STX8: variants seen among roughly 807,000 people sequenced by gnomAD.
The protein encoded by STX8 is syntaxin-8.
Under a neutral mutation model 37.5 loss-of-function variants are expected in STX8, and 23 were observed. The observed-to-expected ratio is 0.61, with a 90% CI of 0.44 to 0.87. The LOEUF (loss-of-function observed/expected upper bound fraction) is 0.87, where lower values mean the gene tolerates loss of function less well. Ranked by LOEUF, STX8 falls within the 40% of genes least tolerant of loss-of-function variation. The probability of loss-of-function intolerance (pLI) is 0.00; values close to 1 mark genes in which losing one functional copy is unlikely to be tolerated. For missense variants in STX8, 313 were observed against 284.7 expected, an observed-to-expected ratio of 1.10 and a Z score of -0.71; for synonymous variants, 115 against 99.1, an observed-to-expected ratio of 1.16 and a Z score of -0.95.
chr17:9,505,315 T>C (rs561066885), intron 4 of STX8, among the ~76,000 whole-genome samples, 153 bp from the exon 5 acceptor site: 1 of 152,358 alleles, frequency 6.6e-6, no homozygotes, highest in African/African-American at 2.4e-5. Flanking sequence ...AGGAACTGTA[T>C]TCAGTGCTGG....
chr17:9,394,647 G>A (rs1912333621), intron 6 of STX8, among the ~76,000 whole-genome samples: 1 of 151,750 alleles, frequency 6.6e-6, no homozygotes, highest in Non-Finnish European at 1.5e-5. Context: ...TTACAGGCGT[G>A]AGCCACCGCG....
At chr17:9,443,552 C>T (rs1300033105) in intron 6 of STX8, among the ~76,000 whole-genome samples, 2 of 152,152 alleles carry the variant, frequency 1.3e-5, no homozygotes, top group African/African-American at 4.8e-5. Flanking sequence ...CAGAGCCATT[C>T]CCCTTGAGCC....
intron 3 of STX8, among the ~76,000 whole-genome samples, chr17:9,546,720 C>A (rs1156233974): frequency 6.6e-6 from 1 of 150,426 alleles, no homozygotes; most frequent in Non-Finnish European, 1.5e-5. Flanking sequence ...GCCTCAGCCT[C>A]CTGAGTAGCT....
chr17:9,365,935 T>C (rs1037840307), intron 7 of STX8, among the ~76,000 whole-genome samples: 1 of 152,120 alleles, frequency 6.6e-6, no homozygotes, highest in African/African-American at 2.4e-5. Flanking sequence ...ATCACACTAT[T>C]GATCTCCAGC....
intron 7 of STX8, among the ~76,000 whole-genome samples, chr17:9,372,257 C>T (rs1911428969): frequency 6.6e-6 from 1 of 151,714 alleles, no homozygotes; most frequent in Non-Finnish European, 1.5e-5. Flanking sequence ...AGTGCCAACG[C>T]TGCCCTTTCC....
intron 6 of STX8, among the ~76,000 whole-genome samples, chr17:9,445,030 T>A (rs1390840551): frequency 6.6e-6 from 1 of 152,252 alleles, no homozygotes. Flanking sequence ...TGGTGACAGA[T>A]TGATGTGTAG....
At chr17:9,482,339 A>C (rs1040713224) in intron 6 of STX8, among the ~76,000 whole-genome samples, 5 of 152,170 alleles carry the variant, frequency 3.3e-5, no homozygotes, top group Non-Finnish European at 7.3e-5. Flanking sequence ...TTGCCGAGAA[A>C]TCAGTTTTCA....
rs114015537 is a variant in STX8, at chr17:9,296,795, C to G, written c.644-46150G>C. Among the ~76,000 whole-genome samples the G allele has an allele frequency of 5.6e-3, 857 of 152,232 alleles. 10 individuals are homozygous for G. The highest frequency in any genetic ancestry group is 0.019 in the African/African-American group (802 of 41,560). ...TACTTAAATGTAAAGGATAGCTGTACAGAGTAGGGGCTGTGTGAGCTCCAA... is the reference window on the plus strand; with the variant it reads ...TACTTAAATGTAAAGGATAGCTGTAGAGAGTAGGGGCTGTGTGAGCTCCAA... On this transcript the variant is annotated intron_variant, in intron 7 of 7. Transcript: ENST00000306357.
chr17:9,377,174 A>G (rs1911623120), intron 7 of STX8, among the ~76,000 whole-genome samples: 1 of 152,144 alleles, frequency 6.6e-6, no homozygotes, highest in Non-Finnish European at 1.5e-5. Flanking sequence ...CATCTCAGGG[A>G]CCCTTGCCCA....
At chr17:9,359,048 C>CTT (rs575675355) in intron 7 of STX8, among the ~76,000 whole-genome samples, 4 of 142,974 alleles carry the variant, frequency 2.8e-5, no homozygotes, top group African/African-American at 1.0e-4. Context: ...TTTTTTTTTT[C>CTT]TTTTTTTTTT....
intron 6 of STX8, among the ~76,000 whole-genome samples, chr17:9,462,294 C>T (rs1170918867): frequency 6.6e-6 from 1 of 152,068 alleles, no homozygotes; most frequent in Non-Finnish European, 1.5e-5. Flanking sequence ...AGAAAGGAGC[C>T]CCTGGAGTGA....
chr17:9,560,392 C>A, intron 2 of STX8, among the ~76,000 whole-genome samples: 3 of 71,162 alleles, frequency 4.2e-5, no homozygotes, highest in African/African-American at 8.9e-5. Flanking sequence ...AGCAAGACTC[C>A]ATCTCAAAAA....
chr17:9,375,063 CAAAAAAAAAAAAAA>C (rs58594029), intron 7 of STX8, among the ~76,000 whole-genome samples: 2,359 of 65,540 alleles, frequency 0.036, 85 homozygotes, highest in African/African-American at 0.11. Context: ...GACTCTGTCT[CAAAAAAAAAAAAAA>C]AAAAAAAAAG....
chr17:9,391,469 T>C (rs564008291), intron 6 of STX8, among the ~76,000 whole-genome samples: 6 of 151,914 alleles, frequency 3.9e-5, no homozygotes, highest in African/African-American at 1.4e-4. Flanking sequence ...TTTAAAAATA[T>C]TAAATAATAA....
chr17:9,445,622 A>G (rs1414539382), intron 6 of STX8, among the ~76,000 whole-genome samples: 1 of 151,846 alleles, frequency 6.6e-6, no homozygotes, highest in Admixed American at 6.6e-5. Context: ...GTAAATCGGA[A>G]TAACAGATCA....
At chr17:9,515,112 G>A (rs766411631) in intron 4 of STX8, among the ~76,000 whole-genome samples, 12 of 152,234 alleles carry the variant, frequency 7.9e-5, no homozygotes, top group South Asian at 2.1e-4. Context: ...TCTTGTTATC[G>A]GTGCTGTTTG....
chr17:9,542,973 G>A (rs1446285979), intron 4 of STX8, among the ~76,000 whole-genome samples: 2 of 152,292 alleles, frequency 1.3e-5, no homozygotes, highest in Non-Finnish European at 2.9e-5. Flanking sequence ...CAAGGACCTG[G>A]TGGGAAGACT....
intron 4 of STX8, among the ~76,000 whole-genome samples, chr17:9,519,390 C>T (rs779991868): frequency 1.4e-4 from 22 of 151,838 alleles, no homozygotes; most frequent in Non-Finnish European, 3.2e-4. Flanking sequence ...TCCCTTCTAA[C>T]CACATCTCAT....
intron 7 of STX8, among the ~76,000 whole-genome samples, chr17:9,253,207 GGTGTGTGT>G (rs36048368): frequency 6.7e-4 from 94 of 141,026 alleles, no homozygotes; most frequent in East Asian, 3.7e-3. Context: ...CAGGGGTAGG[GGTGTGTGT>G]GTGTGTGTGT....
Sources: gnomAD v4.1 joint callset for allele counts (sites outside exome capture counted in the v4.1 genomes callset) on GRCh38, gnomAD v4.1.1 for gene constraint, MANE v1.5 for transcripts, NCBI Gene and HGNC (gene_info 2026-07-23, HGNC 2026-07-21) for gene names.